PDE3B: variants seen among roughly 807,000 people sequenced by gnomAD.
The protein encoded by PDE3B is cGMP-inhibited 3',5'-cyclic phosphodiesterase 3B.
In PDE3B, 66 loss-of-function variants were observed where a neutral mutation model predicts 116.8. That is an observed-to-expected ratio of 0.56 (90% confidence interval 0.46 to 0.69). The LOEUF (loss-of-function observed/expected upper bound fraction) is 0.69. PDE3B is among the 30% of genes least tolerant of loss of function. The probability of loss-of-function intolerance (pLI) is 0.00; values close to 1 mark genes in which losing one functional copy is unlikely to be tolerated. For synonymous variants in PDE3B, 595 were observed against 533.6 expected (o/e 1.12, Z -1.59); for missense variants, 1,384 against 1,368.1 (o/e 1.01, Z -0.18).
chr11:14,815,970 C>T lies in PDE3B; in HGVS notation c.1523-2213C>T, dbSNP rs12417206. Among the ~76,000 whole-genome samples the T allele has an allele frequency of 5.1e-4, 77 of 151,544 alleles. 1 individual carries two copies. The highest frequency in any genetic ancestry group is 1.7e-3 in the South Asian group (8 of 4,774). ...ACACACACACACACACACACACACA[C>T]GCAGAGAAAGAGAGAGAAAGTTTGT... On this transcript the variant is annotated intron_variant, in intron 5 of 15. Coordinates refer to ENST00000282096, the MANE Select transcript of PDE3B (RefSeq NM_000922.4).
At chr11:14,737,198 C>CTT (rs71044022) in intron 1 of PDE3B, among the ~76,000 whole-genome samples, 2 of 146,550 alleles carry the variant, frequency 1.4e-5, no homozygotes, top group African/African-American at 2.5e-5. Flanking sequence ...AGGCTGCCTT[C>CTT]TTTTTTTTTT....
chr11:14,727,172 CT>C (rs1856332679), intron 1 of PDE3B, among the ~76,000 whole-genome samples: 1 of 152,014 alleles, frequency 6.6e-6, no homozygotes, highest in Non-Finnish European at 1.5e-5. Flanking sequence ...TAAATTAAGC[CT>C]TTGCCTTTCT....
intron 12 of PDE3B, among the ~76,000 whole-genome samples, chr11:14,857,786 T>A (rs561852609): frequency 6.6e-6 from 1 of 152,318 alleles, no homozygotes; most frequent in African/African-American, 2.4e-5. Flanking sequence ...AGGGCATTCA[T>A]TGTACATTGT....
At chr11:14,661,781 C>T (rs1590040130) in intron 1 of PDE3B, among the ~76,000 whole-genome samples, 1 of 152,178 alleles carries the variant, frequency 6.6e-6, no homozygotes, top group East Asian at 1.9e-4. Flanking sequence ...CCGAGGCTTG[C>T]TTAGGTAAAC....
In PDE3B at chr11:14,690,026, T is replaced by C. The variant is rs115675937; in HGVS notation, c.978+44973T>C. On this transcript the variant is annotated intron_variant, in intron 1 of 15. Transcript: ENST00000282096. ...GGTCATGTCACTTCTGAATATAGAC[T>C]AGCTGTTCTGGTATAGGAAGGATAT... is the stretch of plus-strand genomic sequence containing the variant. Among the ~76,000 whole-genome samples, 358 of 152,304 alleles carry C rather than the reference T, an allele frequency of 2.4e-3. 1 individual carries two copies. The highest frequency in any genetic ancestry group is 8.1e-3 in the African/African-American group (337 of 41,564).
At chr11:14,809,892 A>T (rs76874259) in intron 5 of PDE3B, among the ~76,000 whole-genome samples, 3 of 148,456 alleles carry the variant, frequency 2.0e-5, no homozygotes, top group Non-Finnish European at 4.5e-5. Flanking sequence ...AGACTAAAGT[A>T]TTTTTTTTTT....
intron 1 of PDE3B, among the ~76,000 whole-genome samples, chr11:14,756,291 A>G (rs760340086): frequency 1.1e-4 from 16 of 152,188 alleles, no homozygotes; most frequent in Admixed American, 3.3e-4. Flanking sequence ...CAAGAATAAT[A>G]CACTCCAATG....
the PDE3B span, among the ~76,000 whole-genome samples, chr11:14,898,279 C>A: frequency 1.3e-5 from 2 of 152,138 alleles, no homozygotes; most frequent in South Asian, 4.2e-4. Context: ...GGCCCAGACA[C>A]AATGCAAACC....
the PDE3B span, chr11:14,887,233 G>C: frequency 6.6e-6 from 1 of 152,254 alleles, no homozygotes; most frequent in Non-Finnish European, 1.5e-5. Context: ...TATGAAGGCA[G>C]AACAGAGGGC....
At chr11:14,722,399 A>T (rs915554953) in intron 1 of PDE3B, among the ~76,000 whole-genome samples, 2 of 152,328 alleles carry the variant, frequency 1.3e-5, no homozygotes, top group African/African-American at 4.8e-5. Flanking sequence ...ATAGAGTAAA[A>T]AAAATAAATC....
At chr11:14,845,961 A>G (rs915895103) in intron 12 of PDE3B, among the ~76,000 whole-genome samples, 2 of 152,196 alleles carry the variant, frequency 1.3e-5, no homozygotes, top group African/African-American at 4.8e-5. Context: ...AAGGCAGGCC[A>G]ACATTCAGAT....
At chr11:14,834,922 T>G (rs1229959084) in intron 10 of PDE3B, 60 bp from the exon 11 acceptor site, 1 of 852,232 alleles carries the variant, frequency 1.2e-6, no homozygotes, top group Non-Finnish European at 1.9e-6. Context: ...ACTAGGAAAT[T>G]ATTGTACTTT....
intron 1 of PDE3B, 78 bp downstream of exon 1, chr11:14,645,131 T>TA: frequency 1.1e-6 from 1 of 907,462 alleles, no homozygotes; most frequent in South Asian, 1.9e-5. Context: ...TGAATTCGCT[T>TA]ATTTCAAAGC....
intron 1 of PDE3B, among the ~76,000 whole-genome samples, chr11:14,668,382 A>G (rs139891976): frequency 9.2e-4 from 140 of 152,248 alleles, no homozygotes; most frequent in African/African-American, 3.1e-3. Context: ...TGAATTTATA[A>G]ATACCTCACC....
chr11:14,838,797 C>T (rs1300085985), intron 11 of PDE3B, among the ~76,000 whole-genome samples: 3 of 152,146 alleles, frequency 2.0e-5, no homozygotes, highest in Admixed American at 2.0e-4. Context: ...GAAGATGTAC[C>T]TACCAGAGAT....
chr11:14,670,845 T>C (rs1011737479), intron 1 of PDE3B, among the ~76,000 whole-genome samples: 1 of 152,032 alleles, frequency 6.6e-6, no homozygotes, highest in African/African-American at 2.4e-5. Context: ...CCAGCTTACA[T>C]GTCATCTATC....
intron 1 of PDE3B, among the ~76,000 whole-genome samples, chr11:14,764,161 A>G (rs1341595493): frequency 1.3e-5 from 2 of 152,106 alleles, no homozygotes; most frequent in South Asian, 4.1e-4. Context: ...GTATGAAGGA[A>G]GGACCAGCTA....
chr11:14,819,454 T>C (rs543246895), intron 7 of PDE3B, among the ~76,000 whole-genome samples: 1 of 152,214 alleles, frequency 6.6e-6, no homozygotes, highest in African/African-American at 2.4e-5. Flanking sequence ...GTCTATTGTT[T>C]ATAAATAGTG....
intron 1 of PDE3B, among the ~76,000 whole-genome samples, chr11:14,693,721 T>C (rs1855117822): frequency 6.6e-6 from 1 of 152,186 alleles, no homozygotes; most frequent in Admixed American, 6.5e-5. Context: ...GTCCAAGAGC[T>C]CTGATGGAGA....
Sources: gnomAD v4.1 joint callset for allele counts (sites outside exome capture counted in the v4.1 genomes callset) on GRCh38, gnomAD v4.1.1 for gene constraint, MANE v1.5 for transcripts, NCBI Gene and HGNC (gene_info 2026-07-23, HGNC 2026-07-21) for gene names.